Variants in SLC14A2 observed in about 807,000 individuals in gnomAD.
The protein encoded by SLC14A2 is solute carrier family 14 member 2, also known as urea transporter 2.
In SLC14A2, 91 loss-of-function variants were observed where a neutral mutation model predicts 104.6. That is an observed-to-expected ratio of 0.87 (90% CI 0.73 to 1.04). The LOEUF (loss-of-function observed/expected upper bound fraction) is 1.04. Ranked by LOEUF, SLC14A2 falls within the 50% of genes least tolerant of loss-of-function variation. The probability of loss-of-function intolerance (pLI) is 0.00; values close to 1 mark genes in which losing one functional copy is unlikely to be tolerated. For missense variants in SLC14A2, 1,189 were observed against 1,156.0 expected (o/e 1.03, Z -0.41); for synonymous variants, 476 against 466.4 (o/e 1.02, Z -0.27).
intron 2 of SLC14A2, 113 bp downstream of exon 2, chr18:45,624,927 C>A: frequency 1.8e-6 from 2 of 1,082,556 alleles, no homozygotes; most frequent in Non-Finnish European, 1.3e-6. Context: ...GAGGAAGTGC[C>A]ACTGTCAGTA....
intron 2 of SLC14A2, among the ~76,000 whole-genome samples, chr18:45,526,121 A>G (rs967667278): frequency 3.9e-5 from 6 of 152,258 alleles, no homozygotes; most frequent in African/African-American, 1.2e-4. Context: ...ATGAATTTAC[A>G]TTGTGGCTAT....
At chr18:45,518,863 G>C (rs1298383155) in intron 2 of SLC14A2, among the ~76,000 whole-genome samples, 1 of 152,210 alleles carries the variant, frequency 6.6e-6, no homozygotes, top group Non-Finnish European at 1.5e-5. Context: ...GCCAGGGCAA[G>C]CAAGCTGTTT....
At chr18:45,343,999 T>A (rs917774106) in intron 1 of SLC14A2, among the ~76,000 whole-genome samples, 7 of 152,128 alleles carry the variant, frequency 4.6e-5, no homozygotes, top group African/African-American at 1.7e-4. Flanking sequence ...GAAAGCAACA[T>A]TTGTGATGCA....
chr18:45,279,076 G>A (rs931626238), intron 1 of SLC14A2, among the ~76,000 whole-genome samples: 3 of 152,288 alleles, frequency 2.0e-5, no homozygotes, highest in Admixed American at 6.5e-5. Flanking sequence ...GCTGGCCCAG[G>A]GCCTGGTTCT....
At chr18:45,308,526 C>T (rs1245134096) in intron 1 of SLC14A2, among the ~76,000 whole-genome samples, 2 of 152,196 alleles carry the variant, frequency 1.3e-5, no homozygotes, top group Non-Finnish European at 2.9e-5. Context: ...AGCTGCCCCT[C>T]CTTTATCTCT....
intron 2 of SLC14A2, among the ~76,000 whole-genome samples, chr18:45,597,311 G>A (rs577530863): frequency 2.6e-4 from 40 of 151,646 alleles, no homozygotes; most frequent in Non-Finnish European, 5.3e-4. Flanking sequence ...TGGGCAACAA[G>A]AGTGAAACTC....
chr18:45,236,494 T>C (rs1479911306), intron 1 of SLC14A2, among the ~76,000 whole-genome samples: 1 of 93,286 alleles, frequency 1.1e-5, no homozygotes, highest in Non-Finnish European at 2.2e-5. Flanking sequence ...TATATATGTG[T>C]ATATATACAT....
intron 18 of SLC14A2, among the ~76,000 whole-genome samples, chr18:45,677,739 G>A (rs1038627849): frequency 1.3e-5 from 2 of 152,220 alleles, no homozygotes; most frequent in African/African-American, 2.4e-5. Context: ...GCTGCCTGGT[G>A]TGACCCATGA....
At chr18:45,332,061 C>T (rs567154541) in intron 1 of SLC14A2, among the ~76,000 whole-genome samples, 1 of 152,254 alleles carries the variant, frequency 6.6e-6, no homozygotes, top group African/African-American at 2.4e-5. Context: ...CTTCAAAATC[C>T]ATGTCTACTC....
chr18:45,463,772 T>C (rs1003919405), intron 1 of SLC14A2, among the ~76,000 whole-genome samples: 2 of 152,162 alleles, frequency 1.3e-5, no homozygotes, highest in Non-Finnish European at 2.9e-5. Context: ...TGTGTGGATA[T>C]GGGCTAACCT....
chr18:45,415,129 A>G (rs900612091), intron 1 of SLC14A2, among the ~76,000 whole-genome samples: 1 of 152,218 alleles, frequency 6.6e-6, no homozygotes. Context: ...TGAGCCAGGT[A>G]TGTAGCTACC....
At chr18:45,259,886 A>G (rs976255186) in intron 1 of SLC14A2, among the ~76,000 whole-genome samples, 1 of 152,212 alleles carries the variant, frequency 6.6e-6, no homozygotes, top group East Asian at 1.9e-4. Flanking sequence ...AAGAGAAAAA[A>G]TAACGGTAGA....
intron 1 of SLC14A2, among the ~76,000 whole-genome samples, chr18:45,306,597 A>C (rs1342612875): frequency 2.0e-5 from 3 of 152,210 alleles, no homozygotes; most frequent in African/African-American, 7.2e-5. Context: ...ATCTTTTCCC[A>C]CCATTTAAAA....
At chr18:45,194,583 A>C in the SLC14A2 span, among the ~76,000 whole-genome samples, 1 of 150,968 alleles carries the variant, frequency 6.6e-6, no homozygotes, top group Admixed American at 6.6e-5. Flanking sequence ...GTATCGTGAG[A>C]TCTAATTTGG....
chr18:45,358,713 A>G (rs1458144535), intron 1 of SLC14A2, among the ~76,000 whole-genome samples: 1 of 152,120 alleles, frequency 6.6e-6, no homozygotes, highest in Non-Finnish European at 1.5e-5. Context: ...GAGTACAGAG[A>G]TTACAGTCAT....
chr18:45,530,046 C>T (rs2043658356), intron 2 of SLC14A2, among the ~76,000 whole-genome samples: 1 of 152,118 alleles, frequency 6.6e-6, no homozygotes, highest in South Asian at 2.1e-4. Context: ...AATTTTTGTT[C>T]AAGGACTCGT....
At chr18:45,617,339 T>A (rs574884065) in intron 1 of SLC14A2, among the ~76,000 whole-genome samples, 1 of 151,968 alleles carries the variant, frequency 6.6e-6, no homozygotes, top group Non-Finnish European at 1.5e-5. Context: ...ACCAGAAAGA[T>A]AAAGCCCCTG....
chr18:45,528,322 A>G (rs1483391530), intron 2 of SLC14A2: 1 of 152,020 alleles, frequency 6.6e-6, no homozygotes, highest in African/African-American at 2.4e-5. Context: ...GCTGCCATTA[A>G]TCTTTCAATA....
At chr18:45,416,040 G>A (rs1017316945) in intron 1 of SLC14A2, among the ~76,000 whole-genome samples, 4 of 152,110 alleles carry the variant, frequency 2.6e-5, no homozygotes, top group South Asian at 2.1e-4. Flanking sequence ...TGGTGCTAAT[G>A]ATGACCTATA....
Sources: allele counts gnomAD v4.1 joint callset (sites outside exome capture counted in the v4.1 genomes callset), GRCh38; gene constraint gnomAD v4.1.1; transcripts MANE v1.5; gene names NCBI Gene and HGNC (gene_info 2026-07-23, HGNC 2026-07-21).